The following EIF3M variants were observed in gnomAD, a reference collection of about 807,000 sequenced individuals.
EIF3M encodes B5 receptor.
EIF3M carries 25 observed loss-of-function variants against 49.7 expected under a neutral mutation model. That is an observed-to-expected ratio of 0.50 (90% confidence interval 0.37 to 0.70). The LOEUF (loss-of-function observed/expected upper bound fraction) is 0.70. Among genes scored for constraint, EIF3M ranks in the 30% least tolerant of loss-of-function variants. The probability of loss-of-function intolerance (pLI) is 0.00; values close to 1 mark genes in which losing one functional copy is unlikely to be tolerated. For synonymous variants in EIF3M, 156 were observed against 149.8 expected, an observed-to-expected ratio of 1.04 and a Z score of -0.30; for missense variants, 350 against 440.0, an observed-to-expected ratio of 0.80 and a Z score of 1.83.
intron 5 of EIF3M, among the ~76,000 whole-genome samples, chr11:32,591,596 A>G (rs2133197299): frequency 6.6e-6 from 1 of 152,310 alleles, no homozygotes; most frequent in Middle Eastern, 3.4e-3. Context: ...TGTAGCTATG[A>G]CAGTCCTGAA....
intron 6 of EIF3M, 58 bp downstream of exon 6, chr11:32,594,007 T>C: frequency 8.4e-7 from 1 of 1,188,260 alleles, no homozygotes; most frequent in Non-Finnish European, 1.1e-6. Flanking sequence ...TAAGCTACAA[T>C]ATTAAATTAA....
intron 10 of EIF3M, chr11:32,602,036 C>A: frequency 1.2e-6 from 1 of 835,662 alleles, no homozygotes; most frequent in Non-Finnish European, 1.9e-6. Context: ...AATGGCTGAG[C>A]ATTGGCTAGA....
chr11:32,602,410 T>C lies in EIF3M; in HGVS notation c.*11T>C. On this transcript the variant is annotated 3_prime_UTR_variant, in exon 11 of 11. Coordinates refer to ENST00000531120, the MANE Select transcript of EIF3M (RefSeq NM_006360.6). ...CTTTCTGATACCTGAGTTTTTATGCTTATAATTTTTGTTCTTTGAAAAAAA... is the reference window on the plus strand; with the variant it reads ...CTTTCTGATACCTGAGTTTTTATGCCTATAATTTTTGTTCTTTGAAAAAAA... 6.2e-7 allele frequency: 1 copy of C among 1,603,250 alleles called. No homozygotes were observed. Among genetic ancestry groups the C allele is most frequent in the Non-Finnish European group, 8.5e-7 (1 of 1,175,838 alleles).
intron 5 of EIF3M, among the ~76,000 whole-genome samples, chr11:32,590,664 A>G (rs1855086129): frequency 6.6e-6 from 1 of 152,180 alleles, no homozygotes; most frequent in South Asian, 2.1e-4. Flanking sequence ...TAAACACGAC[A>G]TTTCTGACAT....
chr11:32,586,879 G>A, intron 1 of EIF3M, 133 bp from the exon 2 acceptor site: 1 of 1,231,576 alleles, frequency 8.1e-7, no homozygotes, highest in Non-Finnish European at 1.1e-6. Flanking sequence ...TGAGGTGAGG[G>A]AGGGGTCTTC....
At chr11:32,590,660 C>T (rs765102450) in intron 5 of EIF3M, among the ~76,000 whole-genome samples, 49 of 152,136 alleles carry the variant, frequency 3.2e-4, no homozygotes, top group African/African-American at 1.0e-3. Context: ...TGTTTAAACA[C>T]GACATTTCTG....
chr11:32,591,885 C>A, intron 5 of EIF3M: 1 of 256,482 alleles, frequency 3.9e-6, no homozygotes, highest in South Asian at 5.3e-5. Context: ...ATTTGGTTGT[C>A]ATTGTCCACT....
chr11:32,593,449 C>T (rs2477159), intron 5 of EIF3M, among the ~76,000 whole-genome samples: 7,823 of 152,190 alleles, frequency 0.051, 288 homozygotes, highest in Non-Finnish European at 0.076. Context: ...CGCCTAGGGC[C>T]TTTATACTTG....
chr11:32,584,796 A>G (rs985019493), intron 1 of EIF3M, among the ~76,000 whole-genome samples: 4 of 152,054 alleles, frequency 2.6e-5, no homozygotes, highest in Non-Finnish European at 5.9e-5. Context: ...GACCATCCTG[A>G]TATTTTTAAA....
At chr11:32,587,284 T>G (rs970101555) in intron 2 of EIF3M, 140 bp downstream of exon 2, 2 of 863,850 alleles carry the variant, frequency 2.3e-6, no homozygotes, top group Non-Finnish European at 3.3e-6. Flanking sequence ...ATTTATATGT[T>G]TTGAATTTCA....
At position 32,603,522 on chromosome 11, in the gene EIF3M, C is replaced by T. The variant is rs1855304707; in HGVS notation, c.*1123C>T. On this transcript the variant is annotated 3_prime_UTR_variant, in exon 11 of 11. Transcript: ENST00000531120. ...CTTGTTGACATTTTGGTATTATTTG[C>T]TGCTAGCGTTTTTTTCTATTTTTAG... The T allele has an allele frequency of 6.6e-6, 1 of 152,236 alleles. No homozygotes were observed. The highest frequency in any genetic ancestry group is 1.5e-5 in the Non-Finnish European group (1 of 68,110). The allele number at this position is 152,236 out of a possible 1,614,324, so 9.4% of individuals were successfully genotyped here.
intron 8 of EIF3M, among the ~76,000 whole-genome samples, chr11:32,597,073 C>G (rs1415242449): frequency 6.6e-6 from 1 of 152,072 alleles, no homozygotes; most frequent in Non-Finnish European, 1.5e-5. Context: ...TCCATTGGTA[C>G]ATTTGTTTTT....
At chr11:32,589,803 A>G (rs371959030) in intron 5 of EIF3M, among the ~76,000 whole-genome samples, 162 bp downstream of exon 5, 60 of 152,234 alleles carry the variant, frequency 3.9e-4, no homozygotes, top group African/African-American at 3.4e-4. Context: ...AAAGATAACT[A>G]TAAAGATTAA....
At chr11:32,593,655 A>G (rs1373180621) in intron 5 of EIF3M, 2 of 353,826 alleles carry the variant, frequency 5.7e-6, no homozygotes, top group Non-Finnish European at 1.0e-5. Flanking sequence ...ATCACCATTT[A>G]TTTCCTTCAT....
At position 32,605,710 on chromosome 11, in the gene EIF3M, A is replaced by G. The variant is rs115563300; in HGVS notation, c.*3311A>G. ...GAGCAGGGATTGGCTTTAGAGAAAC[A>G]AGATACAGTGTAGATTAGCTAATGT... On this transcript the variant is annotated 3_prime_UTR_variant, in exon 11 of 11. Coordinates refer to ENST00000531120, the MANE Select transcript of EIF3M (RefSeq NM_006360.6). 1.1e-4 allele frequency: 17 copies of G among 152,210 alleles called. No individual in the cohort carries two copies. Among genetic ancestry groups the G allele is most frequent in the African/African-American group, 3.9e-4 (16 of 41,450 alleles). The allele number at this position is 152,210 out of a possible 1,614,324, so 9.4% of individuals were successfully genotyped here.
At position 32,601,752 on chromosome 11, in the gene EIF3M, C is replaced by CT. The variant is rs775847565; in HGVS notation, c.944-4dup. On this transcript the variant is annotated splice_polypyrimidine_tract_variant and intron_variant, in intron 9 of 10. Transcript: ENST00000531120. ...CCATATAACATACGATATAAAACAT[C>CT]TTTTTTCAGCCGTAAGAACTAAAAT... 1 of 1,609,336 alleles carries CT rather than the reference C, an allele frequency of 6.2e-7. No homozygotes were observed. The highest frequency in any genetic ancestry group is 1.7e-5 in the Admixed American group (1 of 59,542).
intron 1 of EIF3M, chr11:32,584,131 GC>G: frequency 1.6e-6 from 1 of 635,316 alleles, no homozygotes. Flanking sequence ...CCAGCGCGGG[GC>G]CCGACGCTTC....
chr11:32,583,864 G>C lies in EIF3M; in HGVS notation c.-24G>C. 5 of 1,611,316 alleles carry C rather than the reference G, an allele frequency of 3.1e-6. No homozygotes were observed. In the South Asian group the frequency reaches 5.5e-5, roughly 18 times the overall value. On this transcript the variant is annotated 5_prime_UTR_variant, in exon 1 of 11. Coordinates refer to ENST00000531120, the MANE Select transcript of EIF3M (RefSeq NM_006360.6). ...GTCGGCGTGGTCTTGCGAGTGGAGTGTCCGCTGTGCCCGGGCCTGCACCAT... is the reference window on the plus strand; with the variant it reads ...GTCGGCGTGGTCTTGCGAGTGGAGTCTCCGCTGTGCCCGGGCCTGCACCAT...
intron 8 of EIF3M, among the ~76,000 whole-genome samples, chr11:32,598,133 C>T (rs1317875034): frequency 6.6e-6 from 1 of 152,060 alleles, no homozygotes; most frequent in African/African-American, 2.4e-5. Flanking sequence ...ATGTCAGCAA[C>T]CTCTTTATTT....
Sources: allele counts gnomAD v4.1 joint callset (sites outside exome capture counted in the v4.1 genomes callset), GRCh38; gene constraint gnomAD v4.1.1; transcripts MANE v1.5; gene names NCBI Gene and HGNC (gene_info 2026-07-23, HGNC 2026-07-21).